OPCML: variants seen among roughly 807,000 people sequenced by gnomAD.
The protein encoded by OPCML is opioid binding protein/cell adhesion molecule like.
In OPCML, 13 loss-of-function variants were observed where a neutral mutation model predicts 37.8. The ratio of observed to expected loss-of-function variants is 0.34; its 90% confidence interval spans 0.22 to 0.55. The LOEUF is 0.55. Ranked by LOEUF, OPCML falls within the 20% of genes least tolerant of loss-of-function variation. OPCML has a pLI of 0.91. For synonymous variants in OPCML, 176 were observed against 168.8 expected, an observed-to-expected ratio of 1.04 and a Z score of -0.33; for missense variants, 341 against 435.6, an observed-to-expected ratio of 0.78 and a Z score of 1.93.
chr11:132,428,067 C>A (rs1163081310), intron 7 of OPCML, among the ~76,000 whole-genome samples: 1 of 152,176 alleles, frequency 6.6e-6, no homozygotes, highest in South Asian at 2.1e-4. Flanking sequence ...CTTTTGATGT[C>A]TCTGCAAGAA....
chr11:133,267,650 G>A (rs1941700837), intron 1 of OPCML, among the ~76,000 whole-genome samples: 1 of 151,984 alleles, frequency 6.6e-6, no homozygotes, highest in African/African-American at 2.4e-5. Context: ...TGGTTTTTCT[G>A]TGTCCCTACC....
chr11:132,677,656 G>T (rs1942767133), intron 2 of OPCML, among the ~76,000 whole-genome samples: 1 of 152,086 alleles, frequency 6.6e-6, no homozygotes. Context: ...ATATAATTAA[G>T]ATAGTCTTTT....
intron 2 of OPCML, among the ~76,000 whole-genome samples, chr11:132,680,050 A>T (rs1565770332): frequency 1.3e-5 from 2 of 152,148 alleles, no homozygotes; most frequent in Admixed American, 6.5e-5. Flanking sequence ...ATCAACCCAC[A>T]TGTATTCCAG....
At chr11:133,044,057 A>G (rs1306949433) in intron 1 of OPCML, among the ~76,000 whole-genome samples, 4 of 152,168 alleles carry the variant, frequency 2.6e-5, no homozygotes, top group Admixed American at 2.6e-4. Context: ...GTTGAATGCT[A>G]TGATCTTTGC....
At chr11:132,631,352 C>CATATATATATATATATATATAT (rs61450463) in intron 3 of OPCML, among the ~76,000 whole-genome samples, 60 of 142,702 alleles carry the variant, frequency 4.2e-4, no homozygotes, top group African/African-American at 1.4e-3. Flanking sequence ...ACCATATATA[C>CATATATATATATATATATATAT]ATATATATAT....
At chr11:133,199,312 A>G (rs1178730606) in intron 1 of OPCML, among the ~76,000 whole-genome samples, 2 of 152,198 alleles carry the variant, frequency 1.3e-5, no homozygotes, top group African/African-American at 2.4e-5. Context: ...ATATATTGTT[A>G]TATGTTGCTC....
chr11:132,955,449 G>A (rs1945956628), intron 1 of OPCML, among the ~76,000 whole-genome samples: 1 of 152,138 alleles, frequency 6.6e-6, no homozygotes, highest in Admixed American at 6.5e-5. Context: ...CCTACCAGCA[G>A]CCCAGACACT....
chr11:133,086,714 G>A (rs10791278), intron 1 of OPCML, among the ~76,000 whole-genome samples: 3 of 151,986 alleles, frequency 2.0e-5, no homozygotes, highest in African/African-American at 7.3e-5. Flanking sequence ...CTGAAAGTTT[G>A]TACCCTTTGA....
chr11:132,743,518 A>G (rs1945507428), intron 2 of OPCML, among the ~76,000 whole-genome samples: 1 of 152,212 alleles, frequency 6.6e-6, no homozygotes. Context: ...CACAAAAGTA[A>G]TTAGTAGGAT....
chr11:132,462,150 T>C (rs2136914971), intron 4 of OPCML, among the ~76,000 whole-genome samples: 1 of 152,234 alleles, frequency 6.6e-6, no homozygotes, highest in Non-Finnish European at 1.5e-5. Context: ...ATAGAATAAG[T>C]AGCAGTACGT....
chr11:133,163,964 G>A (rs1431773), intron 1 of OPCML, among the ~76,000 whole-genome samples: 51,517 of 151,994 alleles, frequency 0.34, 9,089 homozygotes, highest in South Asian at 0.42. Context: ...TGAACTGAAT[G>A]AGATTGTCCC....
chr11:133,095,644 T>A (rs1440233192), intron 1 of OPCML, among the ~76,000 whole-genome samples: 1 of 145,380 alleles, frequency 6.9e-6, no homozygotes, highest in Non-Finnish European at 1.5e-5. Flanking sequence ...TGAATTCTAA[T>A]AAGAAAAGCC....
At chr11:132,830,326 C>G (rs1226702063) in intron 2 of OPCML, among the ~76,000 whole-genome samples, 1 of 152,192 alleles carries the variant, frequency 6.6e-6, no homozygotes, top group Non-Finnish European at 1.5e-5. Context: ...ATAAGTTCAT[C>G]TCAACATACC....
intron 7 of OPCML, among the ~76,000 whole-genome samples, chr11:132,426,863 G>A (rs80278507): frequency 0.011 from 1,638 of 152,322 alleles, 26 homozygotes; most frequent in African/African-American, 0.037. Context: ...GCATTCAGGG[G>A]TGGCTCACCA....
chr11:132,490,074 T>C (rs747557094), intron 4 of OPCML, among the ~76,000 whole-genome samples: 2 of 152,078 alleles, frequency 1.3e-5, no homozygotes, highest in African/African-American at 2.4e-5. Flanking sequence ...CCACATTTTC[T>C]TTATCCAGTC....
chr11:133,468,680 A>G (rs1297661505), intron 1 of OPCML, among the ~76,000 whole-genome samples: 2 of 152,220 alleles, frequency 1.3e-5, no homozygotes, highest in Non-Finnish European at 1.5e-5. Context: ...AAGGGACAAT[A>G]GGTTGCTTTG....
chr11:132,974,066 T>G (rs186556074), intron 1 of OPCML, among the ~76,000 whole-genome samples: 1 of 152,316 alleles, frequency 6.6e-6, no homozygotes, highest in Non-Finnish European at 1.5e-5. Flanking sequence ...GCATAATCAC[T>G]CATGTCTCTG....
chr11:132,973,161 C>A (rs1946380102), intron 1 of OPCML, among the ~76,000 whole-genome samples: 1 of 152,226 alleles, frequency 6.6e-6, no homozygotes, highest in South Asian at 2.1e-4. Context: ...TCCTCAATTT[C>A]TGGCTCCATC....
chr11:133,152,306 T>C (rs143446510), intron 1 of OPCML, among the ~76,000 whole-genome samples: 1 of 152,318 alleles, frequency 6.6e-6, no homozygotes, highest in Non-Finnish European at 1.5e-5. Flanking sequence ...TATTTTGTGA[T>C]GCTTATCAAC....
Sources: allele counts gnomAD v4.1 joint callset (sites outside exome capture counted in the v4.1 genomes callset), GRCh38; gene constraint gnomAD v4.1.1; transcripts MANE v1.5; gene names NCBI Gene and HGNC (gene_info 2026-07-23, HGNC 2026-07-21).